MRTFB: variants seen among roughly 807,000 people sequenced by gnomAD.
The protein encoded by MRTFB is myocardin related transcription factor B.
A neutral mutation model predicts 104.2 loss-of-function variants in MRTFB; 29 were observed. That is an observed-to-expected ratio of 0.28 (90% CI 0.21 to 0.38). MRTFB has a LOEUF of 0.38. MRTFB is among the 10% of genes least tolerant of loss of function. The pLI, the probability that MRTFB is intolerant of heterozygous loss-of-function variation, is 1.00. For missense variants in MRTFB, 1,270 were observed against 1,341.6 expected (o/e 0.95, Z 0.83); for synonymous variants, 535 against 519.5 (o/e 1.03, Z -0.41).
intron 3 of MRTFB, among the ~76,000 whole-genome samples, chr16:14,204,989 T>G (rs1817713549): frequency 6.6e-6 from 1 of 152,238 alleles, no homozygotes; most frequent in South Asian, 2.1e-4. Flanking sequence ...AGGGACTATT[T>G]AGTAAACTAT....
the MRTFB span, chr16:14,020,837 T>C: frequency 9.2e-5 from 14 of 152,416 alleles, no homozygotes; most frequent in African/African-American, 2.6e-4. Context: ...TGTTTGGAAC[T>C]TCTGGACTCT....
chr16:14,153,216 A>C (rs1032635848), intron 3 of MRTFB: 8 of 152,208 alleles, frequency 5.3e-5, no homozygotes, highest in African/African-American at 1.9e-4. Context: ...AATATAAATA[A>C]AATGTGTATG....
At chr16:14,212,721 A>G (rs1315370262) in intron 5 of MRTFB, among the ~76,000 whole-genome samples, 1 of 152,144 alleles carries the variant, frequency 6.6e-6, no homozygotes, top group Non-Finnish European at 1.5e-5. Flanking sequence ...AGAGGGGGTA[A>G]TTCTGTCATT....
At chr16:14,052,075 C>A in the MRTFB span, among the ~76,000 whole-genome samples, 2 of 152,138 alleles carry the variant, frequency 1.3e-5, no homozygotes, top group Non-Finnish European at 2.9e-5. Context: ...GCCACCCACC[C>A]TTACACAAGC....
At chr16:14,071,184 G>T, upstream of MRTFB, 2 of 153,008 alleles carry the variant, frequency 1.3e-5, no homozygotes, top group South Asian at 3.8e-4. Flanking sequence ...AGTCGGGGGC[G>T]AGCAGCGAGA....
chr16:14,220,481 T>C lies in MRTFB; in HGVS notation c.693+1483T>C, dbSNP rs531214767. ...ATTATAATTCTCTTCCTTGTATTGC[T>C]GGTACTACTGTGTTTTATTTCCATA... On this transcript the variant is annotated intron_variant, in intron 8 of 16. Transcript: ENST00000571589. Among the ~76,000 whole-genome samples, 3 of 152,362 alleles carry C rather than the reference T, an allele frequency of 2.0e-5. No homozygotes were observed. The South Asian group carries it at 6.2e-4, about 32-fold the overall frequency.
chr16:14,136,530 C>T (rs1306323607), intron 2 of MRTFB, among the ~76,000 whole-genome samples: 2 of 152,074 alleles, frequency 1.3e-5, no homozygotes, highest in African/African-American at 4.8e-5. Context: ...ACAACCCCTA[C>T]CCATCAGGGA....
At chr16:14,213,822 G>T (rs1260327766) in intron 6 of MRTFB, among the ~76,000 whole-genome samples, 1 of 152,048 alleles carries the variant, frequency 6.6e-6, no homozygotes. Flanking sequence ...ACCAATTAAT[G>T]GACTAACACT....
intron 16 of MRTFB, among the ~76,000 whole-genome samples, chr16:14,259,440 C>T (rs1428339814): frequency 6.6e-6 from 1 of 151,926 alleles, no homozygotes; most frequent in Non-Finnish European, 1.5e-5. Flanking sequence ...TCAGTAATAA[C>T]GAGAACCAAG....
chr16:14,206,047 G>A (rs917767522), intron 3 of MRTFB, among the ~76,000 whole-genome samples: 1 of 23,934 alleles, frequency 4.2e-5, no homozygotes, highest in Admixed American at 6.1e-4. Flanking sequence ...ACATTCAGTG[G>A]TCTAAGCCTT....
intron 2 of MRTFB, among the ~76,000 whole-genome samples, chr16:14,135,350 C>A (rs1290880864): frequency 1.3e-5 from 2 of 152,202 alleles, no homozygotes; most frequent in Admixed American, 1.3e-4. Context: ...AATTATAATG[C>A]TTTATTTTTC....
At chr16:14,024,050 C>CAA in the MRTFB span, among the ~76,000 whole-genome samples, 151 of 141,132 alleles carry the variant, frequency 1.1e-3, no homozygotes, top group African/African-American at 3.4e-3. Context: ...GACTCCATCT[C>CAA]AAAAAAAAAA....
chr16:14,017,440 G>C, the MRTFB span, among the ~76,000 whole-genome samples: 1 of 151,290 alleles, frequency 6.6e-6, no homozygotes, highest in African/African-American at 2.4e-5. Context: ...TGGAAACAGA[G>C]TTGTGATTTT....
At chr16:14,047,313 A>T in the MRTFB span, among the ~76,000 whole-genome samples, 1 of 152,090 alleles carries the variant, frequency 6.6e-6, no homozygotes, top group Non-Finnish European at 1.5e-5. Flanking sequence ...TTATGGTCAT[A>T]GGATAGCTGG....
At chr16:14,206,270 G>A (rs2040936498) in intron 3 of MRTFB, among the ~76,000 whole-genome samples, 1 of 152,166 alleles carries the variant, frequency 6.6e-6, no homozygotes, top group South Asian at 2.1e-4. Context: ...ATAAGCACCA[G>A]TACATTCTGC....
intron 2 of MRTFB, among the ~76,000 whole-genome samples, chr16:14,123,842 T>C (rs1275870378): frequency 6.6e-6 from 1 of 152,236 alleles, no homozygotes; most frequent in East Asian, 1.9e-4. Flanking sequence ...GCATTGAATC[T>C]ATAAATTACT....
chr16:14,243,479 T>C (rs985593477), intron 10 of MRTFB, among the ~76,000 whole-genome samples: 1 of 152,212 alleles, frequency 6.6e-6, no homozygotes, highest in Non-Finnish European at 1.5e-5. Flanking sequence ...TAATAAAGCC[T>C]GAAGCTGCAA....
intron 4 of MRTFB, 74 bp downstream of exon 4, chr16:14,210,382 T>C: frequency 8.8e-7 from 1 of 1,141,368 alleles, no homozygotes; most frequent in Non-Finnish European, 1.3e-6. Flanking sequence ...AGCCTGCATC[T>C]TGCTCTGCTT....
At chr16:14,072,107 A>G (rs2033738665) in intron 1 of MRTFB, among the ~76,000 whole-genome samples, 1 of 152,156 alleles carries the variant, frequency 6.6e-6, no homozygotes, top group African/African-American at 2.4e-5. Context: ...CCTTAGGCAA[A>G]GGAAACTCTT....
Sources: allele counts gnomAD v4.1 joint callset (sites outside exome capture counted in the v4.1 genomes callset), GRCh38; gene constraint gnomAD v4.1.1; transcripts MANE v1.5; gene names NCBI Gene and HGNC (gene_info 2026-07-23, HGNC 2026-07-21).